Variants in CHCHD3 observed in about 807,000 individuals in gnomAD.
CHCHD3 encodes the protein coiled-coil-helix-coiled-coil-helix domain containing 3.
In CHCHD3, 20 loss-of-function variants were observed where a neutral mutation model predicts 38.2. The ratio of observed to expected loss-of-function variants is 0.52; its 90% CI spans 0.37 to 0.76. The LOEUF (loss-of-function observed/expected upper bound fraction) is 0.76. Among genes scored for constraint, CHCHD3 ranks in the 30% least tolerant of loss-of-function variants. The pLI is 0.00. For synonymous variants in CHCHD3, 82 were observed against 100.0 expected, an observed-to-expected ratio of 0.82 and a Z score of 1.07; for missense variants, 245 against 279.2, an observed-to-expected ratio of 0.88 and a Z score of 0.87.
In CHCHD3 at chr7:133,034,508, C is replaced by CTTTTT. The variant is rs146912120; in HGVS notation, c.170-9886_170-9882dup. The stretch of plus-strand genomic sequence containing the variant: ...AGTCCTTTCAGCAATTGGATCCAGT[C>CTTTTT]TTTTTTTTTTTTTTTTTTTTTTCAA... On this transcript the variant is annotated intron_variant, in intron 2 of 7. Transcript: ENST00000262570. 299 of 285,160 alleles carry CTTTTT rather than the reference C, an allele frequency of 1.0e-3. 31 individuals carry two copies. Among genetic ancestry groups the CTTTTT allele is most frequent in the Non-Finnish European group, 1.2e-3 (202 of 167,132 alleles). The allele number at this position is 285,160 out of a possible 1,614,324, so 17.7% of individuals were successfully genotyped here. A position where few individuals can be genotyped will look rare whatever the true frequency, so the allele number is the denominator to read the frequency against.
intron 6 of CHCHD3, among the ~76,000 whole-genome samples, chr7:132,813,236 T>C (rs1376245314): frequency 6.6e-6 from 1 of 152,350 alleles, no homozygotes; most frequent in Non-Finnish European, 1.5e-5. Context: ...AAGGCAGACC[T>C]GTGAAGAAGA....
chr7:132,898,910 C>A (rs1472653377), intron 4 of CHCHD3, among the ~76,000 whole-genome samples: 3 of 152,188 alleles, frequency 2.0e-5, no homozygotes, highest in Non-Finnish European at 2.9e-5. Flanking sequence ...GTGCAGGGCC[C>A]GCCAAGCCCA....
At chr7:132,905,004 C>T (rs1292543061) in intron 4 of CHCHD3, among the ~76,000 whole-genome samples, 1 of 149,150 alleles carries the variant, frequency 6.7e-6, no homozygotes, top group East Asian at 2.0e-4. Flanking sequence ...GACAGAAAAC[C>T]AAACACTGCA....
Position 132,788,921 on chromosome 7 carries a change from A to G in CHCHD3, c.661-3261T>C, listed in dbSNP as rs527463511. On this transcript the variant is annotated intron_variant, in intron 7 of 7. Coordinates refer to ENST00000262570, the MANE Select transcript of CHCHD3 (RefSeq NM_017812.4). This position sits in a 1 kb window ranked among gnomAD's most constrained non-coding sequence, Gnocchi z 4.0. ...GGTGGTACAAAACCATCTCAATTCT[A>G]TCAGGGAAATTAACAAACACAATGG... 5.9e-5 allele frequency among the ~76,000 whole-genome samples: 9 copies of G among 152,206 alleles called. No individual in the cohort carries two copies. The highest frequency in any genetic ancestry group is 2.2e-4 in the African/African-American group (9 of 41,466).
chr7:132,955,425 G>C (rs1480227908), intron 4 of CHCHD3, among the ~76,000 whole-genome samples: 3 of 152,056 alleles, frequency 2.0e-5, no homozygotes, highest in Admixed American at 2.0e-4. Flanking sequence ...CTAGAAAGTG[G>C]AGGCAATTGC....
At position 132,983,521 on chromosome 7, in the gene CHCHD3, G is replaced by C. The variant is rs114469442; in HGVS notation, c.252-8235C>G. 2.3e-3 allele frequency among the ~76,000 whole-genome samples: 352 copies of C among 152,308 alleles called. 2 individuals are homozygous for C. Among genetic ancestry groups the C allele is most frequent in the African/African-American group, 7.8e-3 (326 of 41,568 alleles). On this transcript the variant is annotated intron_variant, in intron 3 of 7. Coordinates refer to ENST00000262570, the MANE Select transcript of CHCHD3 (RefSeq NM_017812.4). ...CTATTGTAGCGAGCTCAGGAGTTAC[G>C]AGTATCTGCTTAACACACTGTGATG...
intron 2 of CHCHD3, among the ~76,000 whole-genome samples, chr7:133,056,399 CCAT>C (rs1814334063): frequency 6.6e-6 from 1 of 152,186 alleles, no homozygotes; most frequent in Admixed American, 6.5e-5. Context: ...ACCACCAATT[CCAT>C]CATGTCTGAT....
At chr7:133,072,755 C>T (rs1045054635) in intron 1 of CHCHD3, among the ~76,000 whole-genome samples, 2 of 149,596 alleles carry the variant, frequency 1.3e-5, no homozygotes, top group Non-Finnish European at 3.0e-5. Context: ...AGGAGAATGG[C>T]GTGAACCCGG....
At chr7:132,905,028 AGGTG>A (rs1240889210) in intron 4 of CHCHD3, among the ~76,000 whole-genome samples, 4 of 141,194 alleles carry the variant, frequency 2.8e-5, no homozygotes, top group African/African-American at 1.0e-4. Flanking sequence ...TCTCATTCAT[AGGTG>A]GGAATTGAAC....
chr7:132,804,689 G>A (rs948117071), intron 6 of CHCHD3, among the ~76,000 whole-genome samples: 2 of 152,144 alleles, frequency 1.3e-5, no homozygotes, highest in Middle Eastern at 3.2e-3. Context: ...GTGAGAGAGC[G>A]TGTTACATTA....
intron 4 of CHCHD3, among the ~76,000 whole-genome samples, chr7:132,947,669 A>AC (rs1810931257): frequency 6.6e-6 from 1 of 152,032 alleles, no homozygotes; most frequent in African/African-American, 2.4e-5. Flanking sequence ...TGATGGCACT[A>AC]CATATAACAT....
intron 3 of CHCHD3, among the ~76,000 whole-genome samples, chr7:133,005,387 G>A (rs1386266214): frequency 2.6e-5 from 4 of 152,022 alleles, no homozygotes; most frequent in Non-Finnish European, 5.9e-5. Context: ...TATTAGTGTG[G>A]GATCAAGAAA....
At chr7:132,905,988 C>T (rs999146595) in intron 4 of CHCHD3, among the ~76,000 whole-genome samples, 3 of 152,166 alleles carry the variant, frequency 2.0e-5, no homozygotes, top group Admixed American at 2.0e-4. Context: ...TGCTGAAGTG[C>T]TGGCTTGATC....
intron 6 of CHCHD3, among the ~76,000 whole-genome samples, chr7:132,800,156 T>A (rs530559442): frequency 1.3e-5 from 2 of 152,322 alleles, no homozygotes; most frequent in South Asian, 4.1e-4. Flanking sequence ...TTGTAGAAAC[T>A]TTGGAAAAAG....
At chr7:132,853,523 G>A (rs954627081) in intron 5 of CHCHD3, among the ~76,000 whole-genome samples, 7 of 152,282 alleles carry the variant, frequency 4.6e-5, no homozygotes, top group South Asian at 2.1e-4. Flanking sequence ...TTGGGAGGCT[G>A]AGGCTGGAGA....
At chr7:133,025,870 C>T (rs769174034) in intron 2 of CHCHD3, among the ~76,000 whole-genome samples, 1 of 152,162 alleles carries the variant, frequency 6.6e-6, no homozygotes, top group Non-Finnish European at 1.5e-5. Flanking sequence ...GTGTCTCTTT[C>T]GATAACCTCG....
intron 3 of CHCHD3, among the ~76,000 whole-genome samples, chr7:132,975,652 G>T (rs1267977575): frequency 3.3e-5 from 5 of 152,146 alleles, no homozygotes; most frequent in Admixed American, 3.3e-4. Context: ...TCTAGGCCAG[G>T]CGTGGTGGCA....
chr7:133,023,719 G>A (rs934996666), intron 3 of CHCHD3, among the ~76,000 whole-genome samples: 2 of 152,092 alleles, frequency 1.3e-5, no homozygotes, highest in African/African-American at 2.4e-5. Flanking sequence ...ACTTCAAAAA[G>A]TAGTATTTAA....
In CHCHD3 at chr7:132,972,641, G is replaced by C. The variant is rs554923514; in HGVS notation, c.369+2528C>G. The C allele has an allele frequency of 4.1e-6, 4 of 985,384 alleles. No homozygotes were observed. In the South Asian group the frequency reaches 1.9e-4, roughly 46 times the overall value. The allele number at this position is 985,384 out of a possible 1,614,324, so 61.0% of individuals were successfully genotyped here. On this transcript the variant is annotated intron_variant, in intron 4 of 7. Coordinates refer to ENST00000262570, the MANE Select transcript of CHCHD3 (RefSeq NM_017812.4). ...TGTCACTGGCAGCCATGTTGCTGTGGCCATGGCAGACCATGCAAATGTCTG... is the reference window on the plus strand; with the variant it reads ...TGTCACTGGCAGCCATGTTGCTGTGCCCATGGCAGACCATGCAAATGTCTG...
Sources: gnomAD v4.1 joint callset for allele counts (sites outside exome capture counted in the v4.1 genomes callset) on GRCh38, gnomAD v4.1.1 for gene constraint, Gnocchi (gnomAD v3.1) non-coding constraint, MANE v1.5 for transcripts, NCBI Gene and HGNC (gene_info 2026-07-23, HGNC 2026-07-21) for gene names.